The following ADCY8 variants were observed in gnomAD, a reference collection of about 807,000 sequenced individuals.
ADCY8 encodes adenylate cyclase type 8.
ADCY8 carries 51 observed loss-of-function variants against 119.7 expected under a neutral mutation model. The observed-to-expected ratio is 0.43, with a 90% CI of 0.34 to 0.54. The LOEUF is 0.54. ADCY8 is among the 20% of genes least tolerant of loss of function. ADCY8 has a pLI of 0.03. For synonymous variants in ADCY8, 665 were observed against 651.0 expected, an observed-to-expected ratio of 1.02 and a Z score of -0.33; for missense variants, 1,383 against 1,598.8, an observed-to-expected ratio of 0.87 and a Z score of 2.30.
chr8:131,006,236 T>C (rs1041769083), intron 1 of ADCY8, among the ~76,000 whole-genome samples: 14 of 152,192 alleles, frequency 9.2e-5, no homozygotes, highest in African/African-American at 3.1e-4. Flanking sequence ...TGTGTTTTCC[T>C]GTGGGCAGGA....
chr8:130,780,397 A>C lies in ADCY8; in HGVS notation c.3749T>G (p.Leu1250Trp), dbSNP rs1815036290. 2 of 1,473,136 alleles carry C rather than the reference A, an allele frequency of 1.4e-6. No individual in the cohort carries two copies. The highest frequency in any genetic ancestry group is 3.2e-5 in the South Asian group (2 of 62,770). The allele number at this position is 1,473,136 out of a possible 1,614,324, so 91.3% of individuals were successfully genotyped here. A position where few individuals can be genotyped will look rare whatever the true frequency, so the allele number is the denominator to read the frequency against. ...AQAEGTDKSD[L>W]P ...AACAGAAAGAAAATGCTTTTATGGCAAATCAGATTTGTCGGTGCCTTCAGC... is the reference window on the plus strand; with the variant it reads ...AACAGAAAGAAAATGCTTTTATGGCCAATCAGATTTGTCGGTGCCTTCAGC... The change falls in exon 18 of 18, where the codon TTG becomes TGG. Residue 1250 changes from leucine (L) to tryptophan (W), a missense_variant. By Grantham distance (61) the Leu-to-Trp change is moderately conservative. Transcript: ENST00000286355.
intron 13 of ADCY8, among the ~76,000 whole-genome samples, chr8:130,815,352 G>A (rs1816304475): frequency 6.6e-6 from 1 of 152,188 alleles, no homozygotes. Flanking sequence ...TAACAGGTTT[G>A]GCACAGGGCA....
At chr8:130,798,655 T>C (rs954327884) in intron 15 of ADCY8, among the ~76,000 whole-genome samples, 5 of 152,072 alleles carry the variant, frequency 3.3e-5, no homozygotes, top group African/African-American at 1.2e-4. Flanking sequence ...AATGGTGAGA[T>C]GCAGGCAGGG....
intron 1 of ADCY8, among the ~76,000 whole-genome samples, chr8:131,019,843 GTCTCTCTCTCTCTC>G (rs71306306): frequency 2.3e-5 from 2 of 86,884 alleles, no homozygotes; most frequent in Non-Finnish European, 4.6e-5. Flanking sequence ...CTCTCTGTCT[GTCTCTCTCTCTCTC>G]TCTCTCTCTC....
intron 8 of ADCY8, among the ~76,000 whole-genome samples, chr8:130,869,666 T>C (rs1289627889): frequency 4.5e-4 from 68 of 151,594 alleles, no homozygotes; most frequent in African/African-American, 1.2e-3. Context: ...TACAGGCGCC[T>C]GCCACCACGC....
intron 17 of ADCY8, among the ~76,000 whole-genome samples, chr8:130,783,037 C>T (rs1289023652): frequency 6.6e-6 from 1 of 152,132 alleles, no homozygotes; most frequent in African/African-American, 2.4e-5. Context: ...TACTCATCTA[C>T]AAAATGAGAA....
rs1554606218 is a variant in ADCY8, at chr8:130,846,851, T to TC, written c.2502+572dup. Among the ~76,000 whole-genome samples the TC allele has an allele frequency of 6.1e-3, 124 of 20,490 alleles. 10 individuals carry two copies. Among genetic ancestry groups the TC allele is most frequent in the African/African-American group, 0.033 (118 of 3,552 alleles). The allele number at this position is 20,490 out of a possible 152,430, so 13.4% of individuals were successfully genotyped here. A position where few individuals can be genotyped will look rare whatever the true frequency, so the allele number is the denominator to read the frequency against. ...CTTCCCTCCCCTCCCCTTCCTTCCT[T>TC]CCTCCCCTCCCCTCCCTTCCCTTCC... is the stretch of plus-strand genomic sequence containing the variant. On this transcript the variant is annotated intron_variant, in intron 11 of 17. Transcript: ENST00000286355.
intron 15 of ADCY8, among the ~76,000 whole-genome samples, chr8:130,790,469 T>C (rs1293605142): frequency 2.6e-5 from 4 of 152,340 alleles, no homozygotes; most frequent in African/African-American, 7.2e-5. Flanking sequence ...CAAAGTTCGC[T>C]CCGTGCCTAA....
intron 1 of ADCY8, among the ~76,000 whole-genome samples, chr8:131,026,332 G>A (rs1232455748): frequency 3.9e-5 from 6 of 152,144 alleles, no homozygotes. Context: ...AAATCTACTG[G>A]TGCTTAGATT....
At chr8:130,810,236 C>T (rs186612650) in intron 14 of ADCY8, among the ~76,000 whole-genome samples, 528 of 152,214 alleles carry the variant, frequency 3.5e-3, no homozygotes, top group Non-Finnish European at 5.1e-3. Context: ...AATGCCTTTG[C>T]CTCTTACGGT....
intron 8 of ADCY8, among the ~76,000 whole-genome samples, chr8:130,879,781 G>A (rs539929619): frequency 6.6e-6 from 1 of 152,198 alleles, no homozygotes; most frequent in African/African-American, 2.4e-5. Context: ...GAGGAAAAAA[G>A]CTCAAGCAAA....
Position 130,867,956 on chromosome 8 carries a change from A to C in ADCY8, c.2110-10T>G. 1 of 1,587,664 alleles carries C rather than the reference A, an allele frequency of 6.3e-7. No homozygotes were observed. Among genetic ancestry groups the C allele is most frequent in the Non-Finnish European group, 8.6e-7 (1 of 1,159,634 alleles). ...CCCTCATTTGAGAATACTGTAATTA[A>C]AAAAAGAGAGAATGAGTTACTTTGC... On this transcript the variant is annotated splice_polypyrimidine_tract_variant and intron_variant, in intron 8 of 17. Coordinates refer to ENST00000286355, the MANE Select transcript of ADCY8 (RefSeq NM_001115.3).
intron 1 of ADCY8, among the ~76,000 whole-genome samples, chr8:131,018,276 A>G (rs1003808599): frequency 3.3e-5 from 5 of 152,204 alleles, no homozygotes; most frequent in Non-Finnish European, 1.5e-5. Context: ...CCTTGAAGGA[A>G]TAATGCTCGT....
intron 9 of ADCY8, among the ~76,000 whole-genome samples, chr8:130,853,433 C>A (rs1419331157): frequency 6.6e-6 from 1 of 152,328 alleles, no homozygotes; most frequent in African/African-American, 2.4e-5. Context: ...CAGAGTTTAA[C>A]TGTGGGATAT....
chr8:130,805,266 T>G (rs1206772985), intron 14 of ADCY8, among the ~76,000 whole-genome samples: 1 of 152,198 alleles, frequency 6.6e-6, no homozygotes, highest in African/African-American at 2.4e-5. Context: ...ATGGGGAAAC[T>G]GGGGGATACA....
chr8:130,953,877 C>T (rs190409480), intron 2 of ADCY8, among the ~76,000 whole-genome samples: 84 of 152,308 alleles, frequency 5.5e-4, no homozygotes, highest in African/African-American at 1.9e-3. Context: ...TATCCCATCA[C>T]GGGACTAAGA....
intron 5 of ADCY8, among the ~76,000 whole-genome samples, chr8:130,926,811 A>G (rs1586578074): frequency 6.6e-6 from 1 of 152,106 alleles, no homozygotes; most frequent in African/African-American, 2.4e-5. Flanking sequence ...TAGCTTCCAC[A>G]TAGGAGTGAG....
At chr8:130,909,937 TTTC>T in intron 5 of ADCY8, 71 bp from the exon 6 acceptor site, 1 of 1,411,430 alleles carries the variant, frequency 7.1e-7, no homozygotes, top group Non-Finnish European at 9.6e-7. Context: ...TGCACTTTCT[TTTC>T]TTTTTTTTTT....
intron 3 of ADCY8, among the ~76,000 whole-genome samples, chr8:130,948,303 C>T (rs563199117): frequency 2.6e-5 from 4 of 152,282 alleles, no homozygotes; most frequent in Non-Finnish European, 5.9e-5. Flanking sequence ...TCAATACAAT[C>T]GGGTAGGTGG....
Sources: gnomAD v4.1 joint callset for allele counts (sites outside exome capture counted in the v4.1 genomes callset) on GRCh38, gnomAD v4.1.1 for gene constraint, MANE v1.5 for transcripts, NCBI Gene and HGNC (gene_info 2026-07-23, HGNC 2026-07-21) for gene names.